The following WWOX variants were observed in gnomAD, a reference collection of about 807,000 sequenced individuals.
The protein encoded by WWOX is WW domain-containing oxidoreductase.
In WWOX, 69 loss-of-function variants were observed where a neutral mutation model predicts 46.2. The observed-to-expected ratio is 1.49, with a 90% CI of 1.23 to 1.82. WWOX has a LOEUF of 1.82. Ranked by LOEUF, WWOX falls within the 40% of genes most tolerant of loss-of-function variation. WWOX has a pLI of 0.00. For synonymous variants in WWOX, 359 were observed against 202.6 expected (o/e 1.77, Z -6.56); for missense variants, 919 against 542.6 (o/e 1.69, Z -6.89).
chr16:78,904,652 C>G (rs2044914767), intron 8 of WWOX, among the ~76,000 whole-genome samples: 1 of 152,126 alleles, frequency 6.6e-6, no homozygotes, highest in South Asian at 2.1e-4. Flanking sequence ...AATTTATCAT[C>G]CACACTGGCA....
chr16:78,825,274 C>T (rs560814374), intron 8 of WWOX: 3 of 279,534 alleles, frequency 1.1e-5, no homozygotes, highest in African/African-American at 4.4e-5. Flanking sequence ...TGGTGTGCAG[C>T]AGCATGATGG....
chr16:78,626,450 TATG>T (rs1215643691), intron 8 of WWOX, among the ~76,000 whole-genome samples: 6 of 152,222 alleles, frequency 3.9e-5, no homozygotes, highest in Admixed American at 1.3e-4. Flanking sequence ...TTGGGATTTT[TATG>T]ATGTTTTTCT....
chr16:78,668,436 A>G (rs934829209), intron 8 of WWOX, among the ~76,000 whole-genome samples: 4 of 152,238 alleles, frequency 2.6e-5, no homozygotes, highest in South Asian at 2.1e-4. Context: ...ACATTCCAAG[A>G]TTCCATTCTT....
chr16:78,320,710 C>A (rs1238018514), intron 5 of WWOX, among the ~76,000 whole-genome samples: 1 of 152,048 alleles, frequency 6.6e-6, no homozygotes, highest in Non-Finnish European at 1.5e-5. Context: ...TGTTTCTAAC[C>A]ATCTGTTTCT....
intron 8 of WWOX, among the ~76,000 whole-genome samples, chr16:78,537,046 A>G (rs984475994): frequency 3.9e-5 from 6 of 152,018 alleles, no homozygotes; most frequent in Admixed American, 2.0e-4. Flanking sequence ...CGTCCTGAGA[A>G]GCTGGGACTA....
At chr16:78,278,670 A>G in intron 5 of WWOX, 1 of 1,605,638 alleles carries the variant, frequency 6.2e-7, no homozygotes, top group African/African-American at 1.3e-5. Flanking sequence ...AAGAAGGAAA[A>G]AATAAAAGAT....
chr16:78,330,073 A>C (rs2080719955), intron 5 of WWOX, among the ~76,000 whole-genome samples: 1 of 152,114 alleles, frequency 6.6e-6, no homozygotes, highest in Non-Finnish European at 1.5e-5. Flanking sequence ...TCTTTTTCTA[A>C]TAACCATTGC....
At chr16:78,596,585 A>T (rs1478319964) in intron 8 of WWOX, among the ~76,000 whole-genome samples, 2 of 152,300 alleles carry the variant, frequency 1.3e-5, no homozygotes, top group East Asian at 3.9e-4. Context: ...TGCAAGGACC[A>T]GCCAGCTGAG....
chr16:78,916,129 C>G (rs2045245795), intron 8 of WWOX, among the ~76,000 whole-genome samples: 1 of 152,162 alleles, frequency 6.6e-6, no homozygotes, highest in South Asian at 2.1e-4. Flanking sequence ...GCACAGATAA[C>G]CGTCCCATCT....
rs192443522 is a variant in WWOX, at chr16:78,806,799, G to T, written c.1056+374047G>T. Among the ~76,000 whole-genome samples, 15 of 152,292 alleles carry T rather than the reference G, an allele frequency of 9.8e-5. No homozygotes were observed. In the East Asian group the frequency reaches 2.9e-3, roughly 29 times the overall value. On this transcript the variant is annotated intron_variant, in intron 8 of 8. Coordinates refer to ENST00000566780, the MANE Select transcript of WWOX (RefSeq NM_016373.4). ...AGAGGAAATAGACCCCACCTCTTCT[G>T]GAAGAGAATGTGGGACTGGACATAC...
intron 8 of WWOX, among the ~76,000 whole-genome samples, chr16:78,715,296 C>T (rs2048534866): frequency 6.6e-6 from 1 of 152,182 alleles, no homozygotes; most frequent in African/African-American, 2.4e-5. Context: ...GAGGCAATTG[C>T]TGTCACTGGT....
chr16:78,677,338 T>G (rs1002548805), intron 8 of WWOX, among the ~76,000 whole-genome samples: 7 of 152,214 alleles, frequency 4.6e-5, no homozygotes, highest in African/African-American at 1.7e-4. Context: ...AAACTCAATG[T>G]TGAGATTACA....
intron 5 of WWOX, chr16:78,270,277 G>A (rs1597428220): frequency 6.6e-6 from 1 of 152,198 alleles, no homozygotes; most frequent in South Asian, 2.1e-4. Flanking sequence ...GGCAGCTTTG[G>A]TTTCAGGCCA....
intron 8 of WWOX, among the ~76,000 whole-genome samples, chr16:78,465,956 A>G (rs1339340969): frequency 6.6e-6 from 1 of 152,210 alleles, no homozygotes; most frequent in East Asian, 1.9e-4. Context: ...AAGACAGAAT[A>G]CGCATCGGTG....
chr16:78,663,795 A>G (rs975083411), intron 8 of WWOX, among the ~76,000 whole-genome samples: 2 of 152,206 alleles, frequency 1.3e-5, no homozygotes, highest in African/African-American at 4.8e-5. Flanking sequence ...AGAGCCATGC[A>G]AAGACCTCAG....
chr16:78,954,511 A>T (rs1174186757), intron 8 of WWOX, among the ~76,000 whole-genome samples: 2 of 152,188 alleles, frequency 1.3e-5, no homozygotes, highest in Non-Finnish European at 2.9e-5. Context: ...GTGGCTTGCT[A>T]AAAATAAGGG....
intron 8 of WWOX, among the ~76,000 whole-genome samples, chr16:78,701,540 C>A (rs1333534386): frequency 6.6e-6 from 1 of 152,098 alleles, no homozygotes; most frequent in Admixed American, 6.6e-5. Flanking sequence ...ACTCCCTCTC[C>A]CTACTTTTCT....
chr16:79,009,051 C>T (rs2151374469), intron 8 of WWOX, among the ~76,000 whole-genome samples: 1 of 152,274 alleles, frequency 6.6e-6, no homozygotes, highest in Admixed American at 6.5e-5. Flanking sequence ...GCAAACAAGC[C>T]TTGTATTATT....
chr16:78,723,022 A>T (rs1047313318), intron 8 of WWOX, among the ~76,000 whole-genome samples: 3 of 152,140 alleles, frequency 2.0e-5, no homozygotes, highest in Non-Finnish European at 4.4e-5. Flanking sequence ...AGCCTGGGTG[A>T]CAGAGCAAGA....
Sources: gnomAD v4.1 joint callset for allele counts (sites outside exome capture counted in the v4.1 genomes callset) on GRCh38, gnomAD v4.1.1 for gene constraint, MANE v1.5 for transcripts, NCBI Gene and HGNC (gene_info 2026-07-23, HGNC 2026-07-21) for gene names.